The following RNF220 variants were observed in gnomAD, a reference collection of about 807,000 sequenced individuals.
The protein encoded by RNF220 is ring finger protein 220, also known as E3 ubiquitin-protein ligase RNF220.
Under a neutral mutation model 67.1 loss-of-function variants are expected in RNF220, and 7 were observed. That is an observed-to-expected ratio of 0.10 (90% CI 0.06 to 0.20). RNF220 has a LOEUF of 0.20. RNF220 is among the 10% of genes least tolerant of loss of function. The pLI is 1.00. For synonymous variants in RNF220, 270 were observed against 283.2 expected, an observed-to-expected ratio of 0.95 and a Z score of 0.47; for missense variants, 565 against 740.3, an observed-to-expected ratio of 0.76 and a Z score of 2.75.
chr1:44,438,378 C>T (rs953545332), intron 2 of RNF220, among the ~76,000 whole-genome samples: 2 of 152,184 alleles, frequency 1.3e-5, no homozygotes, highest in East Asian at 1.9e-4. Context: ...CTTCCTTGAC[C>T]TCCCAAAGTG....
intron 2 of RNF220, among the ~76,000 whole-genome samples, chr1:44,583,978 A>G (rs1665504651): frequency 6.6e-6 from 1 of 152,252 alleles, no homozygotes; most frequent in Non-Finnish European, 1.5e-5. Flanking sequence ...ACTATATACA[A>G]ATCCAATGCT....
At chr1:44,530,267 G>A (rs1012686001) in intron 2 of RNF220, among the ~76,000 whole-genome samples, 1 of 152,048 alleles carries the variant, frequency 6.6e-6, no homozygotes, top group Non-Finnish European at 1.5e-5. Context: ...TATAATTGTG[G>A]TTATCTGAAA....
chr1:44,650,803 C>T lies in RNF220; in HGVS notation c.*28C>T. 6.2e-7 allele frequency: 1 copy of T among 1,604,530 alleles called. No homozygotes were observed. Among genetic ancestry groups the T allele is most frequent in the East Asian group, 2.2e-5 (1 of 44,844 alleles). On this transcript the variant is annotated 3_prime_UTR_variant, in exon 15 of 15. Transcript: ENST00000361799. This position sits in a 1 kb window ranked among gnomAD's most constrained non-coding sequence, Gnocchi z 4.3. ...TATCTGCCCCAGGCAGGCCTCGCCT[C>T]CAGCAGCCCCACCTGCCCCCAGCCT...
Position 44,606,450 on chromosome 1 carries a change from G to A in RNF220, c.626-7715G>A, listed in dbSNP as rs1174714885. Among the ~76,000 whole-genome samples the A allele has an allele frequency of 6.6e-6, 1 of 152,238 alleles. No individual in the cohort carries two copies. Among genetic ancestry groups the A allele is most frequent in the Non-Finnish European group, 1.5e-5 (1 of 68,030 alleles). ...TGGTTTGGATGGATGACAGGTGGATGAACTGGAGGGTAGATGGTTGTGCTA... is the reference window on the plus strand; with the variant it reads ...TGGTTTGGATGGATGACAGGTGGATAAACTGGAGGGTAGATGGTTGTGCTA... On this transcript the variant is annotated intron_variant, in intron 2 of 14. Coordinates refer to ENST00000361799, the MANE Select transcript of RNF220 (RefSeq NM_018150.4). The surrounding 1 kb of genome is among the most constrained non-coding windows in gnomAD (Gnocchi z 4.2).
chr1:44,645,197 T>A lies in RNF220; in HGVS notation c.1311-24T>A, dbSNP rs1486314432. ...CTGCCCGCCTTCAGGCCTCACTTTGTTTTTCCTCCCTCCTTTCCTCCAGTG... is the reference window on the plus strand; with the variant it reads ...CTGCCCGCCTTCAGGCCTCACTTTGATTTTCCTCCCTCCTTTCCTCCAGTG... On this transcript the variant is annotated intron_variant, in intron 10 of 14. Coordinates refer to ENST00000361799, the MANE Select transcript of RNF220 (RefSeq NM_018150.4). This position sits in a 1 kb window ranked among gnomAD's most constrained non-coding sequence, Gnocchi z 5.0. 3.7e-6 allele frequency: 6 copies of A among 1,613,892 alleles called. No individual in the cohort carries two copies. The African/African-American group carries it at 6.7e-5, about 18-fold the overall frequency.
intron 2 of RNF220, among the ~76,000 whole-genome samples, chr1:44,570,955 T>C (rs987396310): frequency 6.6e-6 from 1 of 151,792 alleles, no homozygotes; most frequent in Admixed American, 6.6e-5. Flanking sequence ...GCACGTGTAA[T>C]CCTAGCTACT....
intron 1 of RNF220, chr1:44,408,890 A>T (rs1317430010): frequency 6.6e-6 from 1 of 152,122 alleles, no homozygotes; most frequent in Non-Finnish European, 1.5e-5. Flanking sequence ...GCTTCCTTCT[A>T]TGCCGATCCC....
In RNF220 at chr1:44,499,907, C is replaced by T. The variant is rs537763371; in HGVS notation, c.625+87185C>T. 1.1e-4 allele frequency among the ~76,000 whole-genome samples: 16 copies of T among 150,436 alleles called. No homozygotes were observed. The South Asian group carries it at 2.1e-3, about 19-fold the overall frequency. ...GTCTTCCAGTTGGATCAGGCCAAAA[C>T]ATTGAAGTTATCCTGGACTCTGGTC... On this transcript the variant is annotated intron_variant, in intron 2 of 14. Coordinates refer to ENST00000361799, the MANE Select transcript of RNF220 (RefSeq NM_018150.4).
intron 2 of RNF220, among the ~76,000 whole-genome samples, chr1:44,598,607 A>C: frequency 6.6e-6 from 1 of 151,874 alleles, no homozygotes. Flanking sequence ...AGGCCTGCCG[A>C]GGGCTCTGGG....
At chr1:44,490,896 G>A (rs963552572) in intron 2 of RNF220, among the ~76,000 whole-genome samples, 1 of 151,870 alleles carries the variant, frequency 6.6e-6, no homozygotes, top group Non-Finnish European at 1.5e-5. Flanking sequence ...GAATGGAAGA[G>A]GAGACATCAC....
At chr1:44,491,123 G>C (rs1012554914) in intron 2 of RNF220, among the ~76,000 whole-genome samples, 2 of 152,094 alleles carry the variant, frequency 1.3e-5, no homozygotes, top group Non-Finnish European at 2.9e-5. Flanking sequence ...TCCAAGTCCA[G>C]ATTACTTCAC....
intron 2 of RNF220, among the ~76,000 whole-genome samples, chr1:44,435,874 A>G (rs1364489212): frequency 6.6e-6 from 1 of 152,088 alleles, no homozygotes; most frequent in African/African-American, 2.4e-5. Context: ...GTGAGCCAAG[A>G]TCGTGCCGTT....
At chr1:44,513,191 A>T (rs1659166814) in intron 2 of RNF220, among the ~76,000 whole-genome samples, 1 of 152,150 alleles carries the variant, frequency 6.6e-6, no homozygotes, top group South Asian at 2.1e-4. Context: ...ATATCTTCAG[A>T]TAGATTATTC....
At chr1:44,575,040 A>C (rs767729878) in intron 2 of RNF220, among the ~76,000 whole-genome samples, 2 of 152,158 alleles carry the variant, frequency 1.3e-5, no homozygotes, top group Non-Finnish European at 2.9e-5. Flanking sequence ...TCTTCTAACT[A>C]TTTTGAAATA....
At chr1:44,647,179 G>C (rs1288659510) in intron 12 of RNF220, among the ~76,000 whole-genome samples, 1 of 152,208 alleles carries the variant, frequency 6.6e-6, no homozygotes, top group Non-Finnish European at 1.5e-5. Context: ...TCCAGCTCTA[G>C]TTCTCTGATT....
Position 44,549,604 on chromosome 1 carries a change from C to T in RNF220, c.626-64561C>T, listed in dbSNP as rs576614292. The stretch of plus-strand genomic sequence containing the variant: ...GATCAGCCTGATGTCTCTTCCCTCC[C>T]AGTTCTGCTTCCCCATTCTAGTGAC... On this transcript the variant is annotated intron_variant, in intron 2 of 14. Coordinates refer to ENST00000361799, the MANE Select transcript of RNF220 (RefSeq NM_018150.4). Among the ~76,000 whole-genome samples the T allele has an allele frequency of 5.3e-5, 8 of 152,352 alleles. No homozygotes were observed. The East Asian group carries it at 1.5e-3, about 29-fold the overall frequency.
chr1:44,520,128 T>TGTGAGAGA (rs796131470), intron 2 of RNF220, among the ~76,000 whole-genome samples: 35 of 113,462 alleles, frequency 3.1e-4, no homozygotes, highest in African/African-American at 1.0e-3. Context: ...TGTGTGTGTG[T>TGTGAGAGA]GAGAGAGAGA....
intron 2 of RNF220, among the ~76,000 whole-genome samples, chr1:44,523,386 C>T (rs532655668): frequency 6.6e-6 from 1 of 152,220 alleles, no homozygotes; most frequent in African/African-American, 2.4e-5. Flanking sequence ...TCCTCTTTGC[C>T]TAGGTGAGCT....
At chr1:44,407,975 G>A (rs540554651) in intron 1 of RNF220, among the ~76,000 whole-genome samples, 2 of 152,320 alleles carry the variant, frequency 1.3e-5, no homozygotes, top group African/African-American at 4.8e-5. Flanking sequence ...GTTCTTCCTG[G>A]ACTGGCGCTT....
Sources: allele counts gnomAD v4.1 joint callset (sites outside exome capture counted in the v4.1 genomes callset), GRCh38; gene constraint gnomAD v4.1.1; non-coding constraint Gnocchi (gnomAD v3.1); transcripts MANE v1.5; gene names NCBI Gene and HGNC (gene_info 2026-07-23, HGNC 2026-07-21).